The following GPR158 variants were observed in gnomAD, a reference collection of about 807,000 sequenced individuals.
GPR158 encodes G protein-coupled receptor 158.
A neutral mutation model predicts 78.2 loss-of-function variants in GPR158; 30 were observed. The observed-to-expected ratio is 0.38, with a 90% confidence interval of 0.29 to 0.52. GPR158 has a LOEUF of 0.52. GPR158 is among the 20% of genes least tolerant of loss of function. GPR158 has a pLI of 0.83. For missense variants in GPR158, 1,463 were observed against 1,523.5 expected, an observed-to-expected ratio of 0.96 and a Z score of 0.66; for synonymous variants, 581 against 591.1, an observed-to-expected ratio of 0.98 and a Z score of 0.25.
At chr10:25,352,693 T>C (rs996548882) in intron 2 of GPR158, among the ~76,000 whole-genome samples, 1 of 152,018 alleles carries the variant, frequency 6.6e-6, no homozygotes, top group Non-Finnish European at 1.5e-5. Context: ...TAGAGATACC[T>C]TCTAGTTCTA....
intron 5 of GPR158, among the ~76,000 whole-genome samples, chr10:25,539,471 T>C (rs77423188): frequency 6.6e-6 from 1 of 152,042 alleles, no homozygotes; most frequent in African/African-American, 2.4e-5. Context: ...ACTAAGACTT[T>C]GGGAACTTGT....
At chr10:25,369,785 A>G (rs2130546917) in intron 2 of GPR158, among the ~76,000 whole-genome samples, 1 of 152,130 alleles carries the variant, frequency 6.6e-6, no homozygotes, top group Non-Finnish European at 1.5e-5. Context: ...TCGGCTGTGA[A>G]TCCATCTGGT....
intron 2 of GPR158, among the ~76,000 whole-genome samples, chr10:25,367,061 T>A (rs1246027): frequency 1.3e-5 from 2 of 151,294 alleles, no homozygotes; most frequent in Non-Finnish European, 3.0e-5. Flanking sequence ...TATTTCTTTA[T>A]ATTTAATAAT....
chr10:25,569,914 T>C (rs1189900110), intron 6 of GPR158, among the ~76,000 whole-genome samples: 4 of 152,228 alleles, frequency 2.6e-5, no homozygotes, highest in African/African-American at 7.2e-5. Flanking sequence ...GCCTAACATA[T>C]GGCTGTCACT....
chr10:25,434,959 C>T (rs1339831006), intron 4 of GPR158, among the ~76,000 whole-genome samples: 1 of 152,082 alleles, frequency 6.6e-6, no homozygotes. Context: ...TGTTAGAGAG[C>T]ACACATACAT....
chr10:25,250,733 G>C (rs1189195952), intron 2 of GPR158, among the ~76,000 whole-genome samples: 2 of 140,082 alleles, frequency 1.4e-5, no homozygotes, highest in Middle Eastern at 3.6e-3. Context: ...TTACTTCCAA[G>C]TATGTGGTCA....
chr10:25,377,576 C>T (rs986103539), intron 2 of GPR158, among the ~76,000 whole-genome samples: 1 of 152,042 alleles, frequency 6.6e-6, no homozygotes, highest in Non-Finnish European at 1.5e-5. Context: ...ATTCTGCTTT[C>T]TGTCTTGATG....
At chr10:25,495,704 G>A (rs536190382) in intron 5 of GPR158, among the ~76,000 whole-genome samples, 1 of 152,102 alleles carries the variant, frequency 6.6e-6, no homozygotes, top group South Asian at 2.1e-4. Context: ...GTTTCTATGG[G>A]TTTTATCTCC....
At chr10:25,403,836 AT>A (rs1317953136) in intron 3 of GPR158, among the ~76,000 whole-genome samples, 2 of 152,108 alleles carry the variant, frequency 1.3e-5, no homozygotes, top group Admixed American at 1.3e-4. Flanking sequence ...AAGCATCTGT[AT>A]TATAGATCAG....
At chr10:25,279,006 G>T (rs1854226955) in intron 2 of GPR158, among the ~76,000 whole-genome samples, 2 of 151,984 alleles carry the variant, frequency 1.3e-5, no homozygotes, top group Non-Finnish European at 2.9e-5. Flanking sequence ...CTTTAAATAT[G>T]AAGTATTAAT....
At chr10:25,184,078 A>G (rs1852649676) in intron 1 of GPR158, among the ~76,000 whole-genome samples, 1 of 152,374 alleles carries the variant, frequency 6.6e-6, no homozygotes. Context: ...ATGGGAAAAT[A>G]AATTCCAGGG....
chr10:25,342,821 C>T (rs932947424), intron 2 of GPR158, among the ~76,000 whole-genome samples: 3 of 149,084 alleles, frequency 2.0e-5, no homozygotes, highest in Non-Finnish European at 4.5e-5. Context: ...GTCCCAGGCT[C>T]ATGATTTTGC....
intron 5 of GPR158, among the ~76,000 whole-genome samples, chr10:25,512,291 G>C (rs1053485355): frequency 2.0e-5 from 3 of 151,838 alleles, no homozygotes; most frequent in Non-Finnish European, 4.4e-5. Flanking sequence ...CTTTTTTGCA[G>C]CTATCATAAA....
At chr10:25,468,419 A>C (rs12241816) in intron 5 of GPR158, among the ~76,000 whole-genome samples, 3 of 152,130 alleles carry the variant, frequency 2.0e-5, no homozygotes, top group African/African-American at 7.2e-5. Flanking sequence ...TTTTTCTTAT[A>C]AAATGGAGCT....
intron 1 of GPR158, among the ~76,000 whole-genome samples, chr10:25,181,825 C>T (rs890257548): frequency 1.3e-5 from 2 of 152,116 alleles, no homozygotes; most frequent in Admixed American, 1.3e-4. Flanking sequence ...TCAAGTGATC[C>T]TCCCAGCTCA....
intron 2 of GPR158, among the ~76,000 whole-genome samples, chr10:25,315,442 C>T (rs1564419693): frequency 1.3e-5 from 2 of 152,082 alleles, no homozygotes; most frequent in African/African-American, 4.8e-5. Flanking sequence ...ACTGGTTTCA[C>T]TCACTTTGGA....
intron 5 of GPR158, among the ~76,000 whole-genome samples, chr10:25,538,035 G>C (rs1836523641): frequency 2.0e-5 from 3 of 152,016 alleles, no homozygotes; most frequent in African/African-American, 7.2e-5. Flanking sequence ...TTTTAGAAAA[G>C]ATCAATCTTT....
At chr10:25,487,785 AG>A (rs1248431223) in intron 5 of GPR158, among the ~76,000 whole-genome samples, 1 of 152,158 alleles carries the variant, frequency 6.6e-6, no homozygotes, top group Non-Finnish European at 1.5e-5. Flanking sequence ...GACAAGAAAA[AG>A]GAAAAGCATT....
intron 5 of GPR158, among the ~76,000 whole-genome samples, chr10:25,487,880 G>C (rs1028551325): frequency 1.3e-5 from 2 of 152,080 alleles, no homozygotes; most frequent in African/African-American, 4.8e-5. Flanking sequence ...TGAGTTTTCA[G>C]TGTAAATTAA....
Sources: gnomAD v4.1 joint callset for allele counts (sites outside exome capture counted in the v4.1 genomes callset) on GRCh38, gnomAD v4.1.1 for gene constraint, MANE v1.5 for transcripts, NCBI Gene and HGNC (gene_info 2026-07-23, HGNC 2026-07-21) for gene names.